Variants in B3GALT1 observed in about 807,000 individuals in gnomAD.
The protein encoded by B3GALT1 is beta-1,3-galactosyltransferase 1, also known as UDP-Gal:betaGlcNAc beta 1,3-galactosyltransferase, polypeptide 1.
A neutral mutation model predicts 23.2 loss-of-function variants in B3GALT1; 10 were observed. The observed-to-expected ratio is 0.43, with a 90% CI of 0.27 to 0.73. The LOEUF is 0.73. B3GALT1 is among the 30% of genes least tolerant of loss of function. B3GALT1 has a pLI of 0.21. For synonymous variants in B3GALT1, 156 were observed against 141.5 expected, an observed-to-expected ratio of 1.10 and a Z score of -0.73; for missense variants, 299 against 405.4, an observed-to-expected ratio of 0.74 and a Z score of 2.25.
At position 167,582,177 on chromosome 2, in the gene B3GALT1, T is replaced by C. The variant is rs74918127; in HGVS notation, c.-409-64732T>C. Among the ~76,000 whole-genome samples, 1,149 of 152,278 alleles carry C rather than the reference T, an allele frequency of 7.5e-3. 46 individuals carry two copies. The East Asian group carries it at 0.1, about 14-fold the overall frequency. ...TAATGTCTTAGAGCCGGTTGACCAG[T>C]TTAATTATCTTGGAATCTGGCTAGA... On this transcript the variant is annotated intron_variant, in intron 2 of 4. Transcript: ENST00000392690.
intron 4 of B3GALT1, among the ~76,000 whole-genome samples, chr2:167,842,886 T>A (rs750147514): frequency 1.3e-5 from 2 of 152,120 alleles, no homozygotes; most frequent in Admixed American, 6.5e-5. Flanking sequence ...AATAATAATA[T>A]GTATTAAGCA....
intron 2 of B3GALT1, among the ~76,000 whole-genome samples, chr2:167,611,376 T>C (rs1685063564): frequency 6.6e-6 from 1 of 152,002 alleles, no homozygotes; most frequent in Non-Finnish European, 1.5e-5. Context: ...CAAACTGCCC[T>C]TTCTGGAGGT....
intron 3 of B3GALT1, among the ~76,000 whole-genome samples, chr2:167,704,484 A>T (rs183845783): frequency 6.6e-6 from 1 of 152,272 alleles, no homozygotes; most frequent in Admixed American, 6.5e-5. Context: ...CAAAAATAGT[A>T]TCATACCATG....
intron 1 of B3GALT1, among the ~76,000 whole-genome samples, chr2:167,329,643 T>C (rs1316619008): frequency 1.3e-5 from 2 of 152,214 alleles, no homozygotes; most frequent in Admixed American, 1.3e-4. Flanking sequence ...ATCTGGGCGC[T>C]GCAATTTTGG....
In B3GALT1 at chr2:167,546,882, A is replaced by G. The variant is rs146615914; in HGVS notation, c.-410+56605A>G. 4.7e-3 allele frequency among the ~76,000 whole-genome samples: 716 copies of G among 152,274 alleles called. 8 individuals carry two copies. The highest frequency in any genetic ancestry group is 0.016 in the African/African-American group (673 of 41,542). Reference sequence around the variant, plus strand: ...CAGAAAACAAATGTCATTTCACCAGAGTGTTTCTGCATTGAGCCAAACCTC... The same window carrying G: ...CAGAAAACAAATGTCATTTCACCAGGGTGTTTCTGCATTGAGCCAAACCTC... On this transcript the variant is annotated intron_variant, in intron 2 of 4. Coordinates refer to ENST00000392690, the MANE Select transcript of B3GALT1 (RefSeq NM_020981.4).
chr2:167,635,386 A>T (rs1039308824), intron 2 of B3GALT1, among the ~76,000 whole-genome samples: 1 of 152,080 alleles, frequency 6.6e-6, no homozygotes, highest in African/African-American at 2.4e-5. Context: ...AGCGTATTCA[A>T]ATAGAAAGAA....
intron 3 of B3GALT1, among the ~76,000 whole-genome samples, chr2:167,802,348 G>T (rs1301792535): frequency 6.6e-6 from 1 of 152,176 alleles, no homozygotes; most frequent in African/African-American, 2.4e-5. Flanking sequence ...AGGGGCCCTG[G>T]AGCCAGCACC....
chr2:167,688,273 A>G (rs1042205766), intron 3 of B3GALT1, among the ~76,000 whole-genome samples: 3 of 152,162 alleles, frequency 2.0e-5, no homozygotes, highest in African/African-American at 7.2e-5. Flanking sequence ...ACCAAAATAT[A>G]TCAAATGGAA....
intron 2 of B3GALT1, among the ~76,000 whole-genome samples, chr2:167,564,458 G>A (rs928345549): frequency 6.6e-6 from 1 of 151,746 alleles, no homozygotes; most frequent in African/African-American, 2.4e-5. Flanking sequence ...TCCCAGACGG[G>A]GTGGCGGCCG....
At chr2:167,330,181 T>C (rs931247837) in intron 1 of B3GALT1, among the ~76,000 whole-genome samples, 5 of 151,344 alleles carry the variant, frequency 3.3e-5, no homozygotes, top group African/African-American at 1.2e-4. Context: ...TGGTGTCCCA[T>C]ATGTCACAAA....
intron 2 of B3GALT1, among the ~76,000 whole-genome samples, chr2:167,573,483 G>A (rs2105401795): frequency 6.6e-6 from 1 of 151,736 alleles, no homozygotes; most frequent in East Asian, 1.9e-4. Context: ...ATTCATTCCA[G>A]AATATTAAAG....
At chr2:167,706,711 C>T (rs908815829) in intron 3 of B3GALT1, among the ~76,000 whole-genome samples, 1 of 152,150 alleles carries the variant, frequency 6.6e-6, no homozygotes, top group Non-Finnish European at 1.5e-5. Flanking sequence ...CAGTGGTCCC[C>T]CAGAAATGAT....
At chr2:167,452,897 T>C (rs961844663) in intron 1 of B3GALT1, among the ~76,000 whole-genome samples, 1 of 152,190 alleles carries the variant, frequency 6.6e-6, no homozygotes, top group Admixed American at 6.5e-5. Context: ...TGTCATTGCT[T>C]AAGTCCAATC....
At chr2:167,717,102 CA>C (rs1208230991) in intron 3 of B3GALT1, among the ~76,000 whole-genome samples, 1 of 152,114 alleles carries the variant, frequency 6.6e-6, no homozygotes, top group African/African-American at 2.4e-5. Flanking sequence ...TTAGAGCTGC[CA>C]GAAAGAAATC....
At chr2:167,858,530 G>A (rs796581167) in intron 4 of B3GALT1, among the ~76,000 whole-genome samples, 24 of 152,052 alleles carry the variant, frequency 1.6e-4, no homozygotes, top group Admixed American at 9.8e-4. Context: ...TTTCAAATAC[G>A]TTATCTCATT....
intron 3 of B3GALT1, chr2:167,715,206 C>G (rs556012667): frequency 6.2e-7 from 1 of 1,613,984 alleles, no homozygotes; most frequent in South Asian, 1.1e-5. Flanking sequence ...TTATCATCAT[C>G]CGTTGTGTCT....
At chr2:167,752,175 G>T (rs1033231261) in intron 3 of B3GALT1, among the ~76,000 whole-genome samples, 1 of 152,090 alleles carries the variant, frequency 6.6e-6, no homozygotes, top group African/African-American at 2.4e-5. Flanking sequence ...AAGGTGAAAA[G>T]TGGAAACAAA....
Position 167,869,315 on chromosome 2 carries a change from T to C in B3GALT1, c.276T>C (p.Asp92=). 1 of 1,614,194 alleles carries C rather than the reference T, an allele frequency of 6.2e-7. No homozygotes were observed. The highest frequency in any genetic ancestry group is 8.5e-7 in the Non-Finnish European group (1 of 1,180,040). The change falls in exon 5 of 5, where the codon GAT becomes GAC. Residue 92 remains aspartate, a synonymous_variant. Transcript: ENST00000392690. The surrounding 1 kb of genome is among the most constrained non-coding windows in gnomAD (Gnocchi z 6.4). ...TCAGCACCACTCACAAGGAATTTGATGCCCGTCAGGCAATCAGAGAGACGT... is the reference window on the plus strand; with the variant it reads ...TCAGCACCACTCACAAGGAATTTGACGCCCGTCAGGCAATCAGAGAGACGT... The part of the protein sequence containing the change: ...ILISTTHKEF[D]ARQAIRETWG...
intron 1 of B3GALT1, among the ~76,000 whole-genome samples, chr2:167,469,844 G>A (rs555926862): frequency 2.0e-5 from 3 of 152,146 alleles, no homozygotes; most frequent in East Asian, 3.9e-4. Context: ...AAAAACTATG[G>A]TCAGCATTAA....
Sources: allele counts gnomAD v4.1 joint callset (sites outside exome capture counted in the v4.1 genomes callset), GRCh38; gene constraint gnomAD v4.1.1; non-coding constraint Gnocchi (gnomAD v3.1); transcripts MANE v1.5; gene names NCBI Gene and HGNC (gene_info 2026-07-23, HGNC 2026-07-21).